LAPTM4A: variants seen among roughly 807,000 people sequenced by gnomAD.
The protein encoded by LAPTM4A is lysosomal protein transmembrane 4 alpha, also known as lysosomal-associated transmembrane protein 4A.
In LAPTM4A, 19 loss-of-function variants were observed where a neutral mutation model predicts 29.9. That is an observed-to-expected ratio of 0.64 (90% CI 0.44 to 0.93). LAPTM4A has a LOEUF of 0.93. Ranked by LOEUF, LAPTM4A falls within the 40% of genes least tolerant of loss-of-function variation. The probability of loss-of-function intolerance (pLI) is 0.00; values close to 1 mark genes in which losing one functional copy is unlikely to be tolerated. For missense variants in LAPTM4A, 293 were observed against 288.5 expected (o/e 1.02, Z -0.11); for synonymous variants, 105 against 102.1 (o/e 1.03, Z -0.17).
intron 1 of LAPTM4A, among the ~76,000 whole-genome samples, chr2:20,050,181 G>C (rs1421848915): frequency 6.6e-6 from 1 of 152,150 alleles, no homozygotes; most frequent in African/African-American, 2.4e-5. Context: ...AAACAAGACG[G>C]TAAAAAACAA....
chr2:20,047,900 G>C (rs1673969580), intron 1 of LAPTM4A, among the ~76,000 whole-genome samples: 1 of 152,108 alleles, frequency 6.6e-6, no homozygotes, highest in African/African-American at 2.4e-5. Flanking sequence ...CAACATTTCA[G>C]GGAGAAGGAA....
intron 5 of LAPTM4A, 44 bp downstream of exon 5, chr2:20,034,923 A>G (rs1673647238): frequency 7.3e-7 from 1 of 1,377,400 alleles, no homozygotes; most frequent in Non-Finnish European, 1.0e-6. Context: ...TTAGATTCAC[A>G]GTGTCAATCT....
intron 4 of LAPTM4A, among the ~76,000 whole-genome samples, chr2:20,035,778 C>T (rs551115877): frequency 6.6e-6 from 1 of 152,196 alleles, no homozygotes; most frequent in East Asian, 1.9e-4. Flanking sequence ...AGAGAAAACA[C>T]CAGGGTCTCT....
At chr2:20,041,556 T>C (rs1282434785) in intron 1 of LAPTM4A, among the ~76,000 whole-genome samples, 2 of 152,102 alleles carry the variant, frequency 1.3e-5, no homozygotes, top group African/African-American at 4.8e-5. Context: ...GTGTGTGTGA[T>C]ATGGAGTCTC....
intron 1 of LAPTM4A, among the ~76,000 whole-genome samples, chr2:20,047,954 G>C (rs887892197): frequency 3.3e-5 from 5 of 152,162 alleles, no homozygotes; most frequent in Non-Finnish European, 5.9e-5. Flanking sequence ...TTAGTTTAAG[G>C]AAGGAAACTA....
At chr2:20,051,332 T>A in intron 1 of LAPTM4A, 78 bp downstream of exon 1, 3 of 595,602 alleles carry the variant, frequency 5.0e-6, no homozygotes, top group African/African-American at 2.0e-5. Flanking sequence ...CAACACCCCG[T>A]TTCCAGTCTC....
intron 1 of LAPTM4A, among the ~76,000 whole-genome samples, chr2:20,050,908 A>T (rs143809726): frequency 6.6e-6 from 1 of 152,366 alleles, no homozygotes; most frequent in Non-Finnish European, 1.5e-5. Flanking sequence ...AAACGCGGAC[A>T]ACCGGGTTAC....
At chr2:20,040,659 A>G (rs575707618) in intron 2 of LAPTM4A, among the ~76,000 whole-genome samples, 2 of 152,202 alleles carry the variant, frequency 1.3e-5, no homozygotes, top group Non-Finnish European at 2.9e-5. Flanking sequence ...AACTGCCTAC[A>G]GTATTCGGTA....
At chr2:20,043,546 T>C (rs972748000) in intron 1 of LAPTM4A, among the ~76,000 whole-genome samples, 10 of 152,240 alleles carry the variant, frequency 6.6e-5, no homozygotes, top group Non-Finnish European at 1.0e-4. Context: ...CAAACTATTA[T>C]ATACTTCTCT....
Position 20,033,006 on chromosome 2 carries a change from A to G in LAPTM4A, c.*199T>C. 1 of 559,026 alleles carries G rather than the reference A, an allele frequency of 1.8e-6. No individual in the cohort carries two copies. The highest frequency in any genetic ancestry group is 3.2e-6 in the Non-Finnish European group (1 of 313,458). 34.6% of individuals were successfully genotyped at this position (559,026 alleles called of 1,614,324 possible). ...ACCTAGATTGTCTTCAAAAACTATT[A>G]AAATGTAAAAGACTTAACAAAAAAA... On this transcript the variant is annotated 3_prime_UTR_variant, in exon 7 of 7. Coordinates refer to ENST00000175091, the MANE Select transcript of LAPTM4A (RefSeq NM_014713.5).
At chr2:20,041,750 G>C (rs748234838) in intron 1 of LAPTM4A, among the ~76,000 whole-genome samples, 2 of 152,146 alleles carry the variant, frequency 1.3e-5, no homozygotes, top group Non-Finnish European at 2.9e-5. Flanking sequence ...GGCCAGGCTG[G>C]TCTCTAATTC....
chr2:20,051,473 G>A lies in LAPTM4A; in HGVS notation c.48C>T (p.Ser16=). ...CATGGCAACAGCCGCAGCACCGGGTGCTGTAGAACCGGTCACTGCGGTTCC... is the reference window on the plus strand; with the variant it reads ...CATGGCAACAGCCGCAGCACCGGGTACTGTAGAACCGGTCACTGCGGTTCC... The part of the protein sequence containing the change: ...FKRNRSDRFY[S]TRCCGCCHVR... Residue 16 remains serine, a synonymous_variant, in exon 1 of 7, where the codon AGC becomes AGT. Transcript: ENST00000175091. The A allele has an allele frequency of 6.2e-7, 1 of 1,613,412 alleles. No homozygotes were observed. The highest frequency in any genetic ancestry group is 8.5e-7 in the Non-Finnish European group (1 of 1,179,676).
At chr2:20,037,688 C>CTTTAAAATA in intron 2 of LAPTM4A, 74 bp from the exon 3 acceptor site, 1 of 909,954 alleles carries the variant, frequency 1.1e-6, no homozygotes, top group South Asian at 1.9e-5. Flanking sequence ...TTAAAGCTAG[C>CTTTAAAATA]TTTAAAATAT....
intron 1 of LAPTM4A, among the ~76,000 whole-genome samples, chr2:20,048,160 T>C (rs1673976371): frequency 1.3e-5 from 2 of 152,218 alleles, no homozygotes; most frequent in Non-Finnish European, 2.9e-5. Flanking sequence ...TGTAGTCTTG[T>C]AGTGCACACC....
intron 1 of LAPTM4A, among the ~76,000 whole-genome samples, chr2:20,042,734 C>G (rs568900315): frequency 6.6e-6 from 1 of 152,284 alleles, no homozygotes; most frequent in East Asian, 1.9e-4. Flanking sequence ...TAGTTGTTGG[C>G]CAATCCCTGT....
intron 1 of LAPTM4A, among the ~76,000 whole-genome samples, chr2:20,048,130 A>G (rs1431302214): frequency 6.6e-6 from 1 of 152,240 alleles, no homozygotes; most frequent in African/African-American, 2.4e-5. Context: ...AAGAGATAAA[A>G]TTATTACAAA....
intron 1 of LAPTM4A, among the ~76,000 whole-genome samples, chr2:20,044,682 C>G (rs1673873343): frequency 6.6e-6 from 1 of 152,188 alleles, no homozygotes; most frequent in Admixed American, 6.5e-5. Context: ...ACTAGAGACA[C>G]TTCAAGTTTA....
At chr2:20,051,309 T>TCCCCC in intron 1 of LAPTM4A, 101 bp downstream of exon 1, 1 of 751,262 alleles carries the variant, frequency 1.3e-6, no homozygotes, top group South Asian at 1.5e-5. Context: ...CCCCTCCAAG[T>TCCCCC]CCCCGCCCCA....
Position 20,033,105 on chromosome 2 carries a change from T to A in LAPTM4A, c.*100A>T, listed in dbSNP as rs983676594. ...AAATGCTTAAACAAAAGACAACATATTTTATATCAAACAAGTTTGAAGAGC... is the reference window on the plus strand; with the variant it reads ...AAATGCTTAAACAAAAGACAACATAATTTATATCAAACAAGTTTGAAGAGC... On this transcript the variant is annotated 3_prime_UTR_variant, in exon 7 of 7. Transcript: ENST00000175091. 2 of 962,816 alleles carry A rather than the reference T, an allele frequency of 2.1e-6. No homozygotes were observed. Among genetic ancestry groups the A allele is most frequent in the African/African-American group, 3.3e-5 (2 of 60,836 alleles). 59.6% of individuals were successfully genotyped at this position (962,816 alleles called of 1,614,324 possible).
Sources: gnomAD v4.1 joint callset for allele counts (sites outside exome capture counted in the v4.1 genomes callset) on GRCh38, gnomAD v4.1.1 for gene constraint, MANE v1.5 for transcripts, NCBI Gene and HGNC (gene_info 2026-07-23, HGNC 2026-07-21) for gene names.